The following TG variants were observed in gnomAD, a reference collection of about 807,000 sequenced individuals.
TG encodes the protein thyroglobulin.
In TG, 270 loss-of-function variants were observed where a neutral mutation model predicts 324.7. That is an observed-to-expected ratio of 0.83 (90% confidence interval 0.75 to 0.92). The LOEUF (loss-of-function observed/expected upper bound fraction) is 0.92, where lower values mean the gene tolerates loss of function less well. TG is among the 40% of genes least tolerant of loss of function. The probability of loss-of-function intolerance (pLI) is 0.00; values close to 1 mark genes in which losing one functional copy is unlikely to be tolerated. For missense variants in TG, 3,591 were observed against 3,456.4 expected, an observed-to-expected ratio of 1.04 and a Z score of -0.98; for synonymous variants, 1,401 against 1,327.0, an observed-to-expected ratio of 1.06 and a Z score of -1.21.
chr8:133,107,126 C>G (rs1219282545), intron 43 of TG, among the ~76,000 whole-genome samples: 1 of 152,202 alleles, frequency 6.6e-6, no homozygotes, highest in African/African-American at 2.4e-5. Context: ...TAACATCAAC[C>G]CCATTTTATT....
intron 41 of TG, chr8:133,049,612 C>G (rs1312138914): frequency 2.4e-6 from 1 of 413,138 alleles, no homozygotes; most frequent in Non-Finnish European, 4.6e-6. Flanking sequence ...GTGCTGTGCC[C>G]TCCCATAACA....
At chr8:132,939,745 C>T (rs139493702) in intron 25 of TG, among the ~76,000 whole-genome samples, 3,728 of 151,698 alleles carry the variant, frequency 0.025, 152 homozygotes, top group African/African-American at 0.086. Context: ...GGCAGGATCT[C>T]GGCTCACTGC....
chr8:133,065,541 C>T (rs61663588), intron 41 of TG, among the ~76,000 whole-genome samples: 5,422 of 152,222 alleles, frequency 0.036, 231 homozygotes, highest in African/African-American at 0.099. Context: ...GCAGGTGGAT[C>T]ACGTCAGGTC....
chr8:132,999,634 A>G (rs2130820344), intron 35 of TG, among the ~76,000 whole-genome samples: 1 of 152,286 alleles, frequency 6.6e-6, no homozygotes, highest in East Asian at 1.9e-4. Context: ...GTTTTTGTGT[A>G]GCCTAGGAGT....
intron 41 of TG, among the ~76,000 whole-genome samples, chr8:133,078,044 C>T (rs1178854408): frequency 6.6e-6 from 1 of 152,144 alleles, no homozygotes; most frequent in African/African-American, 2.4e-5. Flanking sequence ...AGTTGGTTTT[C>T]CTGCTTTTGT....
intron 35 of TG, chr8:133,001,685 T>G: frequency 8.6e-6 from 8 of 929,874 alleles, no homozygotes; most frequent in Non-Finnish European, 1.0e-5. Context: ...CAGGGAGACG[T>G]GAGCTGGGCT....
intron 42 of TG, 62 bp from the exon 43 acceptor site, chr8:133,096,144 T>C: frequency 6.3e-7 from 1 of 1,597,158 alleles, no homozygotes; most frequent in Non-Finnish European, 8.6e-7. Flanking sequence ...TTAAGACCTC[T>C]TTATGCAAAG....
chr8:133,055,033 G>A (rs1188869997), intron 41 of TG, among the ~76,000 whole-genome samples: 2 of 152,150 alleles, frequency 1.3e-5, no homozygotes, highest in African/African-American at 4.8e-5. Context: ...CCAAAGCTGG[G>A]AGAGTTTTAG....
intron 35 of TG, chr8:133,002,029 T>G (rs781739441): frequency 1.1e-5 from 11 of 985,284 alleles, no homozygotes; most frequent in Non-Finnish European, 1.1e-5. Flanking sequence ...TTTTGATGAG[T>G]CCTAAGAAAG....
At chr8:132,961,964 A>ACCAG (rs1464792867) in intron 28 of TG, among the ~76,000 whole-genome samples, 1 of 152,052 alleles carries the variant, frequency 6.6e-6, no homozygotes, top group Non-Finnish European at 1.5e-5. Context: ...GAGCCCATGG[A>ACCAG]CCAGCCCCTC....
chr8:132,999,604 C>A lies in TG; in HGVS notation c.6263-12297C>A, dbSNP rs76074146. On this transcript the variant is annotated intron_variant, in intron 35 of 47. Coordinates refer to ENST00000220616, the MANE Select transcript of TG (RefSeq NM_003235.5). ...TTCTGGGTTGGAGGTCAGAAAACTG[C>A]AGCCTGCAGCCTGCAGCCTGTTTTT... 7.1e-3 allele frequency among the ~76,000 whole-genome samples: 1,081 copies of A among 152,242 alleles called. 15 individuals carry two copies. The highest frequency in any genetic ancestry group is 0.025 in the African/African-American group (1,034 of 41,548).
chr8:133,115,438 C>A (rs1196414318), intron 44 of TG, among the ~76,000 whole-genome samples: 1 of 152,156 alleles, frequency 6.6e-6, no homozygotes, highest in Non-Finnish European at 1.5e-5. Context: ...CAGTTGGCTT[C>A]ATCTGCCCTC....
At chr8:133,056,580 C>T (rs148714255) in intron 41 of TG, among the ~76,000 whole-genome samples, 14 of 152,314 alleles carry the variant, frequency 9.2e-5, no homozygotes, top group African/African-American at 2.9e-4. Context: ...CAGCTGTCTC[C>T]TCTGAGCTGT....
chr8:133,017,458 T>C (rs1835140987), intron 37 of TG, among the ~76,000 whole-genome samples: 1 of 152,152 alleles, frequency 6.6e-6, no homozygotes, highest in Non-Finnish European at 1.5e-5. Context: ...GTTTGCTGTT[T>C]GCTTCTCTGT....
At chr8:132,914,484 A>C (rs1445389474) in intron 20 of TG, among the ~76,000 whole-genome samples, 1 of 152,244 alleles carries the variant, frequency 6.6e-6, no homozygotes, top group Non-Finnish European at 1.5e-5. Flanking sequence ...TAACACAGAA[A>C]ACAGAAAGAC....
intron 40 of TG, among the ~76,000 whole-genome samples, chr8:133,028,633 C>T (rs919700896): frequency 5.3e-5 from 8 of 152,146 alleles, no homozygotes; most frequent in East Asian, 3.9e-4. Flanking sequence ...TTATCACCCC[C>T]GTTTTACAGA....
chr8:133,112,995 C>G (rs1199268881), intron 43 of TG, among the ~76,000 whole-genome samples: 3 of 152,130 alleles, frequency 2.0e-5, no homozygotes, highest in African/African-American at 7.2e-5. Flanking sequence ...ATGAATGAAA[C>G]TGAATTTAGC....
chr8:133,068,568 T>C (rs1338858691), intron 41 of TG, among the ~76,000 whole-genome samples: 1 of 152,224 alleles, frequency 6.6e-6, no homozygotes, highest in East Asian at 1.9e-4. Context: ...ATATGTGCCT[T>C]CCTGGGTGTT....
At chr8:132,909,323 G>T (rs992128241) in intron 18 of TG, among the ~76,000 whole-genome samples, 1 of 152,204 alleles carries the variant, frequency 6.6e-6, no homozygotes, top group Admixed American at 6.5e-5. Flanking sequence ...GTCATGGGAA[G>T]ATGGAGGTGT....
Sources: gnomAD v4.1 joint callset for allele counts (sites outside exome capture counted in the v4.1 genomes callset) on GRCh38, gnomAD v4.1.1 for gene constraint, MANE v1.5 for transcripts, NCBI Gene and HGNC (gene_info 2026-07-23, HGNC 2026-07-21) for gene names.